Variants in UBE2E3 observed in about 807,000 individuals in gnomAD.
UBE2E3 encodes ubiquitin-conjugating enzyme E2 E3.
In UBE2E3, 5 loss-of-function variants were observed where a neutral mutation model predicts 23.6. The observed-to-expected ratio is 0.21, with a 90% confidence interval of 0.11 to 0.44. The LOEUF (loss-of-function observed/expected upper bound fraction) is 0.44, where lower values mean the gene tolerates loss of function less well. Among genes scored for constraint, UBE2E3 ranks in the 20% least tolerant of loss-of-function variants. The probability of loss-of-function intolerance (pLI) is 0.99; values close to 1 mark genes in which losing one functional copy is unlikely to be tolerated. For synonymous variants in UBE2E3, 78 were observed against 87.5 expected, an observed-to-expected ratio of 0.89 and a Z score of 0.60; for missense variants, 81 against 249.8, an observed-to-expected ratio of 0.32 and a Z score of 4.55.
chr2:181,040,942 T>C (rs1686471932), intron 3 of UBE2E3, among the ~76,000 whole-genome samples: 1 of 152,086 alleles, frequency 6.6e-6, no homozygotes, highest in Non-Finnish European at 1.5e-5. Flanking sequence ...TCAGCACATT[T>C]CCTTTTCTCC....
intron 3 of UBE2E3, among the ~76,000 whole-genome samples, chr2:181,033,344 G>A (rs183752177): frequency 0.018 from 2,737 of 152,208 alleles, 69 homozygotes; most frequent in African/African-American, 0.062. Context: ...ATAGACCAAT[G>A]GAACAGAACA....
chr2:180,993,383 T>C (rs1440693666), intron 3 of UBE2E3, among the ~76,000 whole-genome samples: 1 of 152,238 alleles, frequency 6.6e-6, no homozygotes, highest in Non-Finnish European at 1.5e-5. Context: ...CAAAGTTTTT[T>C]TGCTGCTTTA....
At chr2:181,048,944 A>T (rs1013885167) in intron 3 of UBE2E3, among the ~76,000 whole-genome samples, 10 of 152,096 alleles carry the variant, frequency 6.6e-5, no homozygotes, top group Non-Finnish European at 1.0e-4. Context: ...AGCCGCCTTG[A>T]TAAGGTTGTT....
chr2:181,045,369 T>A (rs1686644902), intron 3 of UBE2E3, among the ~76,000 whole-genome samples: 1 of 152,228 alleles, frequency 6.6e-6, no homozygotes, highest in Admixed American at 6.5e-5. Flanking sequence ...AAGATGTTAA[T>A]GAGTTTTGGC....
chr2:181,056,191 G>C (rs369607061), intron 3 of UBE2E3, among the ~76,000 whole-genome samples: 4 of 151,352 alleles, frequency 2.6e-5, no homozygotes, highest in South Asian at 4.2e-4. Context: ...AATAATTAAA[G>C]TCAGTAATGA....
intron 3 of UBE2E3, among the ~76,000 whole-genome samples, chr2:181,048,837 C>T (rs527439034): frequency 1.3e-5 from 2 of 152,194 alleles, no homozygotes; most frequent in Admixed American, 6.5e-5. Context: ...ACAGAAGCTA[C>T]CTGTGTTCTC....
intron 5 of UBE2E3, among the ~76,000 whole-genome samples, chr2:181,061,547 CTTTT>C (rs1400339135): frequency 6.6e-6 from 1 of 151,430 alleles, no homozygotes; most frequent in Non-Finnish European, 1.5e-5. Context: ...TTCTCCCTTC[CTTTT>C]TTAATTAATT....
intron 3 of UBE2E3, among the ~76,000 whole-genome samples, chr2:181,014,722 T>G (rs1260834874): frequency 2.0e-5 from 3 of 152,162 alleles, no homozygotes; most frequent in Non-Finnish European, 2.9e-5. Context: ...ATTTTTTAAA[T>G]TTTTATTGAT....
Position 181,060,808 on chromosome 2 carries a change from C to T in UBE2E3, c.522C>T (p.Asn174=). 6.4e-7 allele frequency: 1 copy of T among 1,571,250 alleles called. No homozygotes were observed. Among genetic ancestry groups the T allele is most frequent in the Non-Finnish European group, 8.6e-7 (1 of 1,158,224 alleles). The part of the protein sequence containing the change: ...LSICSLLTDC[N]PADPLVGSIA... The stretch of plus-strand genomic sequence containing the variant: ...TTTGTTCCCTTTTGACAGACTGCAA[C>T]CCTGGTAAGCAAATCTTTATTAACA... The change falls in exon 5 of 6, where the codon AAC becomes AAT. Residue 174 remains asparagine (N), a synonymous_variant. Coordinates refer to ENST00000410062, the MANE Select transcript of UBE2E3 (RefSeq NM_006357.4).
At chr2:181,018,836 G>T (rs984541385) in intron 3 of UBE2E3, among the ~76,000 whole-genome samples, 14 of 152,046 alleles carry the variant, frequency 9.2e-5, no homozygotes, top group African/African-American at 3.4e-4. Context: ...TTATATAGGG[G>T]AGTGTTATTT....
intron 3 of UBE2E3, among the ~76,000 whole-genome samples, chr2:181,001,187 G>T (rs1474297686): frequency 6.6e-6 from 1 of 152,152 alleles, no homozygotes; most frequent in Non-Finnish European, 1.5e-5. Flanking sequence ...CTGTACTCCA[G>T]AGTTCCTTTA....
intron 3 of UBE2E3, among the ~76,000 whole-genome samples, chr2:181,012,329 G>T (rs1037268370): frequency 2.0e-5 from 3 of 152,078 alleles, no homozygotes; most frequent in African/African-American, 7.2e-5. Flanking sequence ...ACAGGGTATT[G>T]GTTAGTTACA....
intron 3 of UBE2E3, chr2:180,987,522 TAATA>T: frequency 9.2e-7 from 1 of 1,081,352 alleles, no homozygotes; most frequent in Non-Finnish European, 1.3e-6. Context: ...GTATTTGTAT[TAATA>T]AATAGTTTCT....
Position 181,060,748 on chromosome 2 carries a change from T to C in UBE2E3, c.462T>C (p.Ser154=), listed in dbSNP as rs1055020865. 1.9e-6 allele frequency: 3 copies of C among 1,611,094 alleles called. No individual in the cohort carries two copies. The highest frequency in any genetic ancestry group is 2.7e-5 in the African/African-American group (2 of 74,502). The change falls in exon 5 of 6, where the codon AGT becomes AGC. Residue 154 remains serine, a synonymous_variant. Coordinates refer to ENST00000410062, the MANE Select transcript of UBE2E3 (RefSeq NM_006357.4). ...ICLDILKDNW[S]PALTISKVLL... is the part of the protein sequence containing the mutation. ...TGGACATCCTTAAAGACAACTGGAG[T>C]CCCGCTTTGACTATTTCAAAGGTTT...
At chr2:180,982,273 G>C (rs753766098) in intron 2 of UBE2E3, 37 bp downstream of exon 2, 1 of 1,580,106 alleles carries the variant, frequency 6.3e-7, no homozygotes, top group East Asian at 2.3e-5. Context: ...CACTTTGTCA[G>C]GTTGTCTTCC....
chr2:180,994,647 G>A (rs1684772826), intron 3 of UBE2E3, among the ~76,000 whole-genome samples: 1 of 152,158 alleles, frequency 6.6e-6, no homozygotes, highest in Admixed American at 6.5e-5. Flanking sequence ...GAACAGCATG[G>A]ATTTGAACGA....
chr2:181,008,577 T>C lies in UBE2E3; in HGVS notation c.245+24484T>C, dbSNP rs1685221759. Among the ~76,000 whole-genome samples the C allele has an allele frequency of 3.3e-5, 5 of 152,210 alleles. No homozygotes were observed. The South Asian group carries it at 1.0e-3, about 31-fold the overall frequency. ...ACTGGGTAAGGGAATGTTTCCCTGTTCCAAGCCATGCTCAGGGCAGCATTA... is the reference window on the plus strand; with the variant it reads ...ACTGGGTAAGGGAATGTTTCCCTGTCCCAAGCCATGCTCAGGGCAGCATTA... On this transcript the variant is annotated intron_variant, in intron 3 of 5. Transcript: ENST00000410062.
intron 3 of UBE2E3, among the ~76,000 whole-genome samples, chr2:180,987,157 A>G (rs1036128190): frequency 1.3e-5 from 2 of 152,120 alleles, no homozygotes; most frequent in Non-Finnish European, 2.9e-5. Flanking sequence ...AAACATAGGG[A>G]TATGTTTATT....
intron 3 of UBE2E3, among the ~76,000 whole-genome samples, chr2:180,988,347 A>C (rs1257674198): frequency 2.0e-5 from 3 of 152,180 alleles, no homozygotes; most frequent in African/African-American, 7.2e-5. Flanking sequence ...TAATGTCAGT[A>C]AAAGCAGTTC....
Sources: gnomAD v4.1 joint callset for allele counts (sites outside exome capture counted in the v4.1 genomes callset) on GRCh38, gnomAD v4.1.1 for gene constraint, MANE v1.5 for transcripts, NCBI Gene and HGNC (gene_info 2026-07-23, HGNC 2026-07-21) for gene names.